The following ZNG1A variants were observed in gnomAD, a reference collection of about 807,000 sequenced individuals.
The protein encoded by ZNG1A is zinc-regulated GTPase metalloprotein activator 1A.
the ZNG1A span, among the ~76,000 whole-genome samples, chr9:175,333 G>A: frequency 6.6e-6 from 1 of 151,406 alleles, no homozygotes; most frequent in Admixed American, 6.6e-5. Context: ...AGCTGAGATT[G>A]CACCACTGCA....
At chr9:177,697 T>C in the ZNG1A span, 128 of 1,397,508 alleles carry the variant, frequency 9.2e-5, 1 homozygote, top group East Asian at 1.4e-3. Context: ...CTTCAGATCA[T>C]TTTCTCCAGT....
chr9:162,695 A>G, the ZNG1A span, among the ~76,000 whole-genome samples: 6,430 of 143,394 alleles, frequency 0.045, 266 homozygotes, highest in African/African-American at 0.11. Context: ...AGGCACTAGA[A>G]ACGATATAAA....
the ZNG1A span, among the ~76,000 whole-genome samples, chr9:173,588 A>G: frequency 2.0e-5 from 3 of 152,120 alleles, no homozygotes; most frequent in Non-Finnish European, 2.9e-5. Context: ...CACATCCTAA[A>G]CTGATAAACA....
chr9:157,766 A>G, the ZNG1A span, among the ~76,000 whole-genome samples: 1 of 146,734 alleles, frequency 6.8e-6, no homozygotes, highest in African/African-American at 2.5e-5. Context: ...ACAAATGTCA[A>G]TAATCATATA....
At chr9:155,893 C>T in the ZNG1A span, among the ~76,000 whole-genome samples, 2 of 143,264 alleles carry the variant, frequency 1.4e-5, 1 homozygote, top group African/African-American at 5.4e-5. Flanking sequence ...TCGAGCTGGT[C>T]TCAGGAGCTC....
the ZNG1A span, among the ~76,000 whole-genome samples, chr9:156,022 C>T: frequency 6.6e-6 from 1 of 150,602 alleles, no homozygotes; most frequent in African/African-American, 2.4e-5. Flanking sequence ...TGCCTGTAAT[C>T]CCAGCTACTT....
chr9:163,998 C>G, the ZNG1A span: 1 of 1,597,634 alleles, frequency 6.3e-7, no homozygotes, highest in East Asian at 2.2e-5. Flanking sequence ...AATATCACTC[C>G]CTAATTCAGC....
At chr9:133,897 C>A in the ZNG1A span, among the ~76,000 whole-genome samples, 11 of 150,044 alleles carry the variant, frequency 7.3e-5, no homozygotes, top group African/African-American at 2.2e-4. Context: ...GTAACCGCCA[C>A]AATAGAGGTT....
the ZNG1A span, among the ~76,000 whole-genome samples, chr9:126,679 A>ATT: frequency 8.3e-4 from 125 of 150,112 alleles, 1 homozygote; most frequent in African/African-American, 3.0e-3. Flanking sequence ...TATCTTTTGG[A>ATT]TTTTTTTTGT....
chr9:174,983 T>C, the ZNG1A span, among the ~76,000 whole-genome samples: 1 of 151,992 alleles, frequency 6.6e-6, no homozygotes, highest in East Asian at 1.9e-4. Context: ...GCATTGCAGA[T>C]AATAAACATT....
the ZNG1A span, among the ~76,000 whole-genome samples, chr9:140,011 C>T: frequency 6.6e-6 from 1 of 150,466 alleles, no homozygotes; most frequent in Non-Finnish European, 1.5e-5. Flanking sequence ...CGGAGGGTCC[C>T]ACGCCCACAG....
the ZNG1A span, among the ~76,000 whole-genome samples, chr9:170,355 ATGTG>A: frequency 5.2e-3 from 751 of 145,240 alleles, 31 homozygotes; most frequent in Middle Eastern, 0.014. Flanking sequence ...GTGTGTATGA[ATGTG>A]TGTGTGTGTG....
chr9:175,916 T>C, the ZNG1A span: 296 of 1,384,286 alleles, frequency 2.1e-4, 4 homozygotes, highest in Middle Eastern at 1.4e-3. Flanking sequence ...TAGAATATCC[T>C]AGAGGATAAG....
At chr9:154,637 C>A in the ZNG1A span, 8 of 1,121,816 alleles carry the variant, frequency 7.1e-6, no homozygotes, top group Non-Finnish European at 1.1e-5. Flanking sequence ...TACAGGGCAA[C>A]AATCAGAGTA....
the ZNG1A span, among the ~76,000 whole-genome samples, chr9:138,370 T>C: frequency 7.5e-6 from 1 of 133,718 alleles, no homozygotes; most frequent in Admixed American, 8.1e-5. Flanking sequence ...TGAAATAATC[T>C]CAATCAATTT....
chr9:146,349 C>T, the ZNG1A span: 150,834 of 439,530 alleles, frequency 0.34, 29,434 homozygotes, highest in Admixed American at 0.49. Context: ...AATTAGGTTT[C>T]TTTAAAACTT....
At chr9:121,957 T>C in the ZNG1A span, 631 of 1,611,922 alleles carry the variant, frequency 3.9e-4, no homozygotes, top group South Asian at 7.7e-4. Flanking sequence ...CCTTTGAGAC[T>C]TACCAAGGAG....
chr9:126,100 G>T, the ZNG1A span, among the ~76,000 whole-genome samples: 1 of 31,888 alleles, frequency 3.1e-5, no homozygotes, highest in Admixed American at 3.8e-4. Flanking sequence ...TTGATATGTT[G>T]TTGGAATCAG....
At chr9:142,818 G>C in the ZNG1A span, among the ~76,000 whole-genome samples, 1 of 130,964 alleles carries the variant, frequency 7.6e-6, no homozygotes, top group African/African-American at 3.1e-5. Flanking sequence ...AAGAAAAAAA[G>C]AGAGAAGAAT....
Sources: gnomAD v4.1 joint callset for allele counts (sites outside exome capture counted in the v4.1 genomes callset) on GRCh38, gnomAD v4.1.1 for gene constraint, MANE v1.5 for transcripts, NCBI Gene and HGNC (gene_info 2026-07-23, HGNC 2026-07-21) for gene names.